The following CLSTN3 variants were observed in gnomAD, a reference collection of about 807,000 sequenced individuals.
CLSTN3 encodes calsyntenin 3.
A neutral mutation model predicts 95.9 loss-of-function variants in CLSTN3; 36 were observed. That is an observed-to-expected ratio of 0.38 (90% CI 0.29 to 0.50). The LOEUF is 0.50. Among genes scored for constraint, CLSTN3 ranks in the 20% least tolerant of loss-of-function variants. The pLI is 0.95. For missense variants in CLSTN3, 1,084 were observed against 1,268.8 expected (o/e 0.85, Z 2.21); for synonymous variants, 481 against 504.0 (o/e 0.95, Z 0.61).
rs778825466 is a variant in CLSTN3 at position 7,130,685 on chromosome 12, C to G, written c.37C>G (p.Leu13Val). 16 of 1,574,220 alleles carry G rather than the reference C, an allele frequency of 1.0e-5. 1 individual carries two copies. In the South Asian group the frequency reaches 1.7e-4, roughly 17 times the overall value. ...LLLLPLLLASLLASCSCNKAN... is the reference protein window; with the variant it reads ...LLLLPLLLASVLASCSCNKAN... ...GCTGCTGCCCCTTCTGCTGGCCTCT[C>G]TGCTCGCGTCCTGCTCCTGTAACAA... is the stretch of plus-strand genomic sequence containing the variant. The change falls in exon 1 of 18, where the codon CTG becomes GTG. Residue 13 changes from leucine to valine, a missense_variant. Physicochemically the swap from Leu to Val is conservative, Grantham distance 32. Coordinates refer to ENST00000266546, the MANE Select transcript of CLSTN3 (RefSeq NM_014718.4).
rs116872337 is a variant in CLSTN3 at position 7,133,300 on chromosome 12, A to G, written c.187+154A>G. On this transcript the variant is annotated intron_variant, in intron 2 of 17. Coordinates refer to ENST00000266546, the MANE Select transcript of CLSTN3 (RefSeq NM_014718.4). The surrounding 1 kb of genome is among the most constrained non-coding windows in gnomAD (Gnocchi z 4.7). Reference sequence around the variant, plus strand: ...GGAGGGGAATGGTCTCCACTGAAGAATGGAGATTGAGTCAAGGATGCCAGA... The same window carrying G: ...GGAGGGGAATGGTCTCCACTGAAGAGTGGAGATTGAGTCAAGGATGCCAGA... Among the ~76,000 whole-genome samples, 710 of 152,272 alleles carry G rather than the reference A, an allele frequency of 4.7e-3. 3 individuals are homozygous for G. The highest frequency in any genetic ancestry group is 0.013 in the South Asian group (61 of 4,824).
Position 7,149,056 on chromosome 12 carries a change from G to C in CLSTN3, c.1932G>C (p.Leu644=). 1 of 1,614,218 alleles carries C rather than the reference G, an allele frequency of 6.2e-7. No homozygotes were observed. The highest frequency in any genetic ancestry group is 8.5e-7 in the Non-Finnish European group (1 of 1,180,032). ...VVLQPDAPQI[L]LSGTAHFARP... ...TTCAGCCTGACGCCCCCCAGATCCT[G>C]CTGAGTGGCACTGCTCATTTTGCCC... The change falls in exon 13 of 18, where the codon CTG becomes CTC. Residue 644 remains leucine (L), a synonymous_variant. Transcript: ENST00000266546. The surrounding 1 kb of genome is among the most constrained non-coding windows in gnomAD (Gnocchi z 4.5).
chr12:7,149,589 G>T lies in CLSTN3; in HGVS notation c.2141G>T (p.Gly714Val), dbSNP rs747094056. Residue 714 changes from glycine (G) to valine (V), a missense_variant, in exon 14 of 18, where the codon GGG becomes GTG. Physicochemically the swap from Gly to Val is moderately radical, Grantham distance 109. Coordinates refer to ENST00000266546, the MANE Select transcript of CLSTN3 (RefSeq NM_014718.4). The surrounding 1 kb of genome is among the most constrained non-coding windows in gnomAD (Gnocchi z 4.5). The stretch of plus-strand genomic sequence containing the variant: ...GATGGCTGTGAAATTTCTCTGGTGG[G>T]GGATGACCTGGATCCCGAGCGGGAA... Reference protein sequence around the residue: ...NLDGCEISLVGDDLDPERESL... With the variant: ...NLDGCEISLVVDDLDPERESL... 6.2e-7 allele frequency: 1 copy of T among 1,614,156 alleles called. No individual in the cohort carries two copies. The highest frequency in any genetic ancestry group is 8.5e-7 in the Non-Finnish European group (1 of 1,180,040).
Position 7,141,392 on chromosome 12 carries a change from G to A in CLSTN3, c.1474G>A (p.Ala492Thr). 1.2e-6 allele frequency: 2 copies of A among 1,614,204 alleles called. No homozygotes were observed. Among genetic ancestry groups the A allele is most frequent in the Admixed American group, 3.3e-5 (2 of 60,024 alleles). ...PRREPALMIGACWTEEKNKEK... is the reference protein window; with the variant it reads ...PRREPALMIGTCWTEEKNKEK... ...AAGGGAGCCTGCTCTCATGATTGGG[G>A]CCTGCTGGACTGGTAAGCTTCTCAG... The change falls in exon 9 of 18, where the codon GCC (alanine) becomes ACC (threonine). Residue 492 changes from alanine (A) to threonine (T), a missense_variant. Ala to Thr is a moderately conservative substitution (Grantham distance 58). Transcript: ENST00000266546. The surrounding 1 kb of genome is among the most constrained non-coding windows in gnomAD (Gnocchi z 4.1).
chr12:7,156,677 A>G (rs1939822636), intron 16 of CLSTN3: 1 of 456,734 alleles, frequency 2.2e-6, no homozygotes, highest in Non-Finnish European at 4.4e-6. Flanking sequence ...GTGCATGCAC[A>G]TCTGCTTTGC....
chr12:7,148,419 C>T (rs960762311), intron 12 of CLSTN3, among the ~76,000 whole-genome samples: 4 of 152,102 alleles, frequency 2.6e-5, no homozygotes, highest in African/African-American at 9.7e-5. Flanking sequence ...GATCTAGGTC[C>T]AAGGTGGTCA....
At position 7,157,244 on chromosome 12, in the gene CLSTN3, C is replaced by T. The variant is rs1376059653; in HGVS notation, c.2528-245C>T. On this transcript the variant is annotated intron_variant, in intron 16 of 17. Transcript: ENST00000266546. The surrounding 1 kb of genome is among the most constrained non-coding windows in gnomAD (Gnocchi z 5.9). Reference sequence around the variant, plus strand: ...TCCTCTGCCCTTGCCTCTCTGTACACCTGCCTCCCTCTGTGTTTGTTCCTT... The same window carrying T: ...TCCTCTGCCCTTGCCTCTCTGTACATCTGCCTCCCTCTGTGTTTGTTCCTT... 1.3e-5 allele frequency among the ~76,000 whole-genome samples: 2 copies of T among 152,172 alleles called. No individual in the cohort carries two copies. The highest frequency in any genetic ancestry group is 4.8e-5 in the African/African-American group (2 of 41,424).
rs148756018 is a variant in CLSTN3 at position 7,146,632 on chromosome 12, T to G, written c.1848-2340T>G. On this transcript the variant is annotated intron_variant, in intron 12 of 17. Coordinates refer to ENST00000266546, the MANE Select transcript of CLSTN3 (RefSeq NM_014718.4). ...ACCCTCCTCTTATCCTAGGCAGAAC[T>G]AACCTCTCCCTCCTCTGAACTCTTC... Among the ~76,000 whole-genome samples, 944 of 152,252 alleles carry G rather than the reference T, an allele frequency of 6.2e-3. 15 individuals carry two copies. The highest frequency in any genetic ancestry group is 0.022 in the African/African-American group (905 of 41,540).
At chr12:7,148,946 G>A in intron 12 of CLSTN3, 26 bp from the exon 13 acceptor site, 1 of 1,600,082 alleles carries the variant, frequency 6.2e-7, no homozygotes, top group Non-Finnish European at 8.6e-7. Flanking sequence ...GGGGTCACAT[G>A]CTGCTTCTCC....
At chr12:7,154,065 A>T (rs1565654771) in intron 16 of CLSTN3, among the ~76,000 whole-genome samples, 2 of 152,108 alleles carry the variant, frequency 1.3e-5, no homozygotes, top group Non-Finnish European at 2.9e-5. Flanking sequence ...TTCTTCTCTT[A>T]TTTTGACCTG....
rs186551885 is a variant in CLSTN3 at position 7,149,277 on chromosome 12, G to T, written c.2074+79G>T. 1,200 of 1,289,762 alleles carry T rather than the reference G, an allele frequency of 9.3e-4. 2 individuals carry two copies. The highest frequency in any genetic ancestry group is 1.2e-3 in the Non-Finnish European group (1,085 of 906,946). 79.9% of individuals were successfully genotyped at this position (1,289,762 alleles called of 1,614,324 possible). A position where few individuals can be genotyped will look rare whatever the true frequency, so the allele number is the denominator to read the frequency against. On this transcript the variant is annotated intron_variant, in intron 13 of 17. Coordinates refer to ENST00000266546, the MANE Select transcript of CLSTN3 (RefSeq NM_014718.4). The surrounding 1 kb of genome is among the most constrained non-coding windows in gnomAD (Gnocchi z 4.5). ...GTCAGAGTGTGGGAGAACTCCTGGG[G>T]CTGGAAGCAGAAAGCGACTCCATCC...
intron 16 of CLSTN3, among the ~76,000 whole-genome samples, chr12:7,153,466 T>C (rs1343341697): frequency 1.3e-5 from 2 of 152,160 alleles, no homozygotes; most frequent in East Asian, 3.8e-4. Context: ...TTTTTCAGTG[T>C]TCTACTGTGA....
intron 16 of CLSTN3, among the ~76,000 whole-genome samples, chr12:7,153,511 C>T (rs1230421261): frequency 2.0e-5 from 3 of 152,076 alleles, no homozygotes; most frequent in Non-Finnish European, 4.4e-5. Flanking sequence ...TGAGGATTAG[C>T]GGGGAATATA....
At chr12:7,142,745 A>ATTTCTCCTTTTTTTT in intron 10 of CLSTN3, 124 bp from the exon 11 acceptor site, 1 of 427,798 alleles carries the variant, frequency 2.3e-6, no homozygotes, top group Non-Finnish European at 3.3e-6. Context: ...TGGTTTCCAC[A>ATTTCTCCTTTTTTTT]TTTCTCCTTT....
chr12:7,158,359 T>G lies in CLSTN3; in HGVS notation c.*278T>G. 3 of 313,610 alleles carry G rather than the reference T, an allele frequency of 9.6e-6. No individual in the cohort carries two copies. The highest frequency in any genetic ancestry group is 6.1e-5 in the East Asian group (1 of 16,374). The allele number at this position is 313,610 out of a possible 1,614,324, so 19.4% of individuals were successfully genotyped here. On this transcript the variant is annotated 3_prime_UTR_variant, in exon 18 of 18. Transcript: ENST00000266546. The stretch of plus-strand genomic sequence containing the variant: ...GTGGGCTGGACTTCAGCTGCCTTTC[T>G]ACCCCCAATGGCAGCTGCCCCCTTA...
Position 7,130,568 on chromosome 12 carries a change from C to A in CLSTN3, c.-81C>A. ...CCCGCTCCTTGGAGACCCCCTGTAT[C>A]CCTCCCGCAAGGTGGAATCCGCAGG... On this transcript the variant is annotated 5_prime_UTR_variant, in exon 1 of 18. Coordinates refer to ENST00000266546, the MANE Select transcript of CLSTN3 (RefSeq NM_014718.4). 2 of 1,548,680 alleles carry A rather than the reference C, an allele frequency of 1.3e-6. No homozygotes were observed. Among genetic ancestry groups the A allele is most frequent in the Non-Finnish European group, 1.7e-6 (2 of 1,146,804 alleles).
chr12:7,131,341 G>T (rs1227565096), intron 1 of CLSTN3: 1 of 224,024 alleles, frequency 4.5e-6, no homozygotes. Context: ...GAGGGCTTGC[G>T]GGCAGAGGGC....
chr12:7,130,371 A>C lies in CLSTN3; in HGVS notation c.-278A>C. On this transcript the variant is annotated 5_prime_UTR_variant, in exon 1 of 18. Transcript: ENST00000266546. Reference sequence around the variant, plus strand: ...ATCGTTGCCCGGCTGTGCTGACGTCATCCTGCAGTAGCGGGGTTGGGGTGG... The same window carrying C: ...ATCGTTGCCCGGCTGTGCTGACGTCCTCCTGCAGTAGCGGGGTTGGGGTGG... 2.2e-6 allele frequency: 3 copies of C among 1,362,178 alleles called. No individual in the cohort carries two copies. Among genetic ancestry groups the C allele is most frequent in the East Asian group, 6.0e-5 (2 of 33,270 alleles). 84.4% of individuals were successfully genotyped at this position (1,362,178 alleles called of 1,614,324 possible).
Position 7,141,450 on chromosome 12 carries a change from G to A in CLSTN3, c.1486+46G>A. 6.2e-7 allele frequency: 1 copy of A among 1,609,616 alleles called. No individual in the cohort carries two copies. The highest frequency in any genetic ancestry group is 8.5e-7 in the Non-Finnish European group (1 of 1,176,344). ...TCCAGTGGTTCAGGATTTGGGAAGG[G>A]AGGTAGGCTGGTGAGGAGCAAGGGC... On this transcript the variant is annotated intron_variant, in intron 9 of 17. Transcript: ENST00000266546. This position sits in a 1 kb window ranked among gnomAD's most constrained non-coding sequence, Gnocchi z 4.1.
Sources: allele counts gnomAD v4.1 joint callset (sites outside exome capture counted in the v4.1 genomes callset), GRCh38; gene constraint gnomAD v4.1.1; non-coding constraint Gnocchi (gnomAD v3.1); transcripts MANE v1.5; gene names NCBI Gene and HGNC (gene_info 2026-07-23, HGNC 2026-07-21).